The following MSL3 variants were observed in gnomAD, a reference collection of about 807,000 sequenced individuals.
The protein encoded by MSL3 is MSL3-like 1.
Under a neutral mutation model 37.2 loss-of-function variants are expected in MSL3, and 5 were observed. The ratio of observed to expected loss-of-function variants is 0.13; its 90% CI spans 0.07 to 0.28. The LOEUF (loss-of-function observed/expected upper bound fraction) is 0.28. Among genes scored for constraint, MSL3 ranks in the 10% least tolerant of loss-of-function variants. The probability of loss-of-function intolerance (pLI) is 1.00; values close to 1 mark genes in which losing one functional copy is unlikely to be tolerated. For missense variants in MSL3, 315 were observed against 408.5 expected, an observed-to-expected ratio of 0.77 and a Z score of 1.97; for synonymous variants, 149 against 147.6, an observed-to-expected ratio of 1.01 and a Z score of -0.07.
Position 11,765,257 on chromosome X carries a change from A to G in MSL3, c.909-210A>G, listed in dbSNP as rs1405779815. On this transcript the variant is annotated intron_variant, in intron 8 of 12. Coordinates refer to ENST00000312196, the MANE Select transcript of MSL3 (RefSeq NM_078629.4). ...TCCCTGTCAGGGCAACATTGCTCCCACTTGAGACCCACTGCTCTAAGACAC... is the reference window on the plus strand; with the variant it reads ...TCCCTGTCAGGGCAACATTGCTCCCGCTTGAGACCCACTGCTCTAAGACAC... Among the ~76,000 whole-genome samples, 3 of 112,002 alleles carry G rather than the reference A, an allele frequency of 2.7e-5. No individual in the cohort carries two copies. In the Admixed American group the frequency reaches 2.8e-4, roughly 10 times the overall value.
chrX:11,771,816 G>A (rs1018432471), intron 10 of MSL3, among the ~76,000 whole-genome samples: 31 of 111,899 alleles, frequency 2.8e-4, no homozygotes, highest in African/African-American at 1.0e-3. Flanking sequence ...CCCGACCGCA[G>A]TTGATCCACA....
rs1165353607 is a variant in MSL3, at chrX:11,762,971, C to T, written c.723C>T (p.Asn241=). Residue 241 remains asparagine (N), a synonymous_variant, in exon 7 of 13, where the codon AAC becomes AAT. Coordinates refer to ENST00000312196, the MANE Select transcript of MSL3 (RefSeq NM_078629.4). ...HHHVMPHANM[N]VHYIPAEKNV... The stretch of plus-strand genomic sequence containing the variant: ...ACGTTATGCCACATGCCAACATGAA[C>T]GTGCATTATATCCCAGCAGAAAAGA... The T allele has an allele frequency of 1.2e-5, 15 of 1,207,144 alleles. No homozygotes were observed. The highest frequency in any genetic ancestry group is 3.6e-5 in the South Asian group (2 of 56,032).
rs368153210 is a variant in MSL3, at chrX:11,772,143, G to T, written c.1282-13G>T. On this transcript the variant is annotated splice_polypyrimidine_tract_variant and intron_variant, in intron 10 of 12. Transcript: ENST00000312196. ...TAAGAATAACAAAAGCATTCAATTCGTGCTTTTTCCAGGTCCTCTCCTGGA... is the reference window on the plus strand; with the variant it reads ...TAAGAATAACAAAAGCATTCAATTCTTGCTTTTTCCAGGTCCTCTCCTGGA... 6.4e-5 allele frequency: 74 copies of T among 1,158,118 alleles called. No homozygotes were observed. In the East Asian group the frequency reaches 7.5e-4, roughly 12 times the overall value.
intron 9 of MSL3, chrX:11,767,861 A>G: frequency 1.3e-6 from 1 of 752,000 alleles, no homozygotes; most frequent in Non-Finnish European, 1.6e-6. Flanking sequence ...AATCATCTGT[A>G]TGTAAGTGGT....
In MSL3 at chrX:11,772,211, C is replaced by T; in HGVS notation, c.1337C>T (p.Pro446Leu). 1 of 1,209,824 alleles carries T rather than the reference C, an allele frequency of 8.3e-7. No individual in the cohort carries two copies. Residue 446 changes from proline to leucine, a missense_variant, in exon 11 of 13, where the codon CCA (proline) becomes CTA (leucine). Transcript: ENST00000312196. The part of the protein sequence containing the change: ...DNYPPGDQPP[P>L]PSYIYGAQHL... ...TACCCCCCAGGTGACCAGCCGCCTC[C>T]ACCCTCTTACATTTATGGGGCACAA... is the stretch of plus-strand genomic sequence containing the variant.
chrX:11,773,077 TTC>T (rs2053244443), intron 12 of MSL3, among the ~76,000 whole-genome samples: 1 of 112,430 alleles, frequency 8.9e-6, no homozygotes, highest in Admixed American at 9.4e-5. Context: ...GTAGTGGACT[TTC>T]CTTTGTTGCA....
chrX:11,769,007 T>C, intron 10 of MSL3: 1 of 159,167 alleles, frequency 6.3e-6, no homozygotes, highest in Non-Finnish European at 1.2e-5. Context: ...ATATGGTGTC[T>C]GTCAAGGCTA....
chrX:11,771,248 A>G (rs2053229991), intron 10 of MSL3, among the ~76,000 whole-genome samples: 1 of 112,457 alleles, frequency 8.9e-6, no homozygotes, highest in African/African-American at 3.2e-5. Context: ...CAAAAGCCAA[A>G]GTAGCAGCTC....
intron 12 of MSL3, among the ~76,000 whole-genome samples, chrX:11,773,760 T>C (rs1399467471): frequency 8.9e-6 from 1 of 112,296 alleles, no homozygotes; most frequent in Non-Finnish European, 1.9e-5. Flanking sequence ...AAATTAGAAT[T>C]TTAGGAAGTA....
At chrX:11,762,108 A>G (rs750678210) in intron 5 of MSL3, 22 bp from the exon 6 acceptor site, 2 of 1,130,321 alleles carry the variant, frequency 1.8e-6, no homozygotes, top group Non-Finnish European at 2.3e-6. Flanking sequence ...AAATAGTTAA[A>G]AATGGAATTT....
At chrX:11,772,116 A>AT (rs1569096966) in intron 10 of MSL3, 40 bp from the exon 11 acceptor site, 1 of 1,011,600 alleles carries the variant, frequency 9.9e-7, no homozygotes, top group Non-Finnish European at 1.4e-6. Context: ...AAGTGTCTCC[A>AT]TTAAGAATAA....
At chrX:11,765,342 T>G in intron 8 of MSL3, 125 bp from the exon 9 acceptor site, 1 of 808,696 alleles carries the variant, frequency 1.2e-6, no homozygotes, top group South Asian at 2.9e-5. Context: ...ATGGAGAGGG[T>G]CCAAGTGACT....
Position 11,766,399 on chromosome X carries a change from A to G in MSL3, c.1171+670A>G, listed in dbSNP as rs758934575. On this transcript the variant is annotated intron_variant, in intron 9 of 12. Coordinates refer to ENST00000312196, the MANE Select transcript of MSL3 (RefSeq NM_078629.4). ...TTCAAAAACTGCTAAAACAGGTGCCATGAATCAGGTACAATTACTGTAGAA... is the reference window on the plus strand; with the variant it reads ...TTCAAAAACTGCTAAAACAGGTGCCGTGAATCAGGTACAATTACTGTAGAA... The G allele has an allele frequency of 1.2e-5, 9 of 753,621 alleles. No individual in the cohort carries two copies. The South Asian group carries it at 4.7e-4, about 40-fold the overall frequency. The allele number at this position is 753,621 out of a possible 1,213,427, so 62.1% of individuals were successfully genotyped here. A position where few individuals can be genotyped will look rare whatever the true frequency, so the allele number is the denominator to read the frequency against.
At chrX:11,761,632 G>A in intron 5 of MSL3, 50 bp downstream of exon 5, 1 of 801,658 alleles carries the variant, frequency 1.2e-6, no homozygotes, top group East Asian at 3.4e-5. Flanking sequence ...TATTTTAGTG[G>A]TAAAAATTCA....
At chrX:11,764,795 G>A (rs903168212) in intron 8 of MSL3, among the ~76,000 whole-genome samples, 4 of 110,882 alleles carry the variant, frequency 3.6e-5, no homozygotes, top group East Asian at 2.8e-4. Context: ...TTCTCTTTCC[G>A]CCTGGCCGCC....
chrX:11,759,635 G>C (rs2053109993), intron 1 of MSL3, 158 bp from the exon 2 acceptor site: 1 of 1,094,153 alleles, frequency 9.1e-7, no homozygotes, highest in Admixed American at 3.5e-5. Flanking sequence ...CGTCCACTTG[G>C]GGGAAAAAAA....
chrX:11,762,351 C>T lies in MSL3; in HGVS notation c.588+99C>T, dbSNP rs150933747. Reference sequence around the variant, plus strand: ...TAAGCAATAGCGAATCTTGGTGGAACGAAATTTATATTTTTCAGCTTTGTA... The same window carrying T: ...TAAGCAATAGCGAATCTTGGTGGAATGAAATTTATATTTTTCAGCTTTGTA... On this transcript the variant is annotated intron_variant, in intron 6 of 12. Transcript: ENST00000312196. 23 of 741,585 alleles carry T rather than the reference C, an allele frequency of 3.1e-5. No individual in the cohort carries two copies. In the East Asian group the frequency reaches 3.4e-4, roughly 11 times the overall value. The allele number at this position is 741,585 out of a possible 1,213,427, so 61.1% of individuals were successfully genotyped here.
At chrX:11,768,476 G>T in intron 9 of MSL3, 97 bp from the exon 10 acceptor site, 1 of 557,069 alleles carries the variant, frequency 1.8e-6, no homozygotes, top group Non-Finnish European at 3.0e-6. Context: ...TAATTTCTGA[G>T]AACCAAGTTT....
chrX:11,771,812 C>T (rs780269682), intron 10 of MSL3, among the ~76,000 whole-genome samples: 3 of 112,014 alleles, frequency 2.7e-5, no homozygotes, highest in East Asian at 5.6e-4. Context: ...AGCTCCCGAC[C>T]GCAGTTGATC....
Sources: gnomAD v4.1 joint callset for allele counts (sites outside exome capture counted in the v4.1 genomes callset) on GRCh38, gnomAD v4.1.1 for gene constraint, MANE v1.5 for transcripts, NCBI Gene and HGNC (gene_info 2026-07-23, HGNC 2026-07-21) for gene names.